The following NEB variants were observed in gnomAD, a reference collection of about 807,000 sequenced individuals.
The protein encoded by NEB is nemaline myopathy type 2.
A neutral mutation model predicts 952.2 loss-of-function variants in NEB; 512 were observed. The observed-to-expected ratio is 0.54, with a 90% CI of 0.50 to 0.58. The LOEUF (loss-of-function observed/expected upper bound fraction) is 0.58, where lower values mean the gene tolerates loss of function less well. Ranked by LOEUF, NEB falls within the 20% of genes least tolerant of loss-of-function variation. The pLI is 0.00. For synonymous variants in NEB, 2,900 were observed against 3,149.8 expected (o/e 0.92, Z 2.66); for missense variants, 8,428 against 9,231.1 (o/e 0.91, Z 3.56).
intron 107 of NEB, among the ~76,000 whole-genome samples, chr2:151,572,616 G>A (rs2096677018): frequency 6.8e-6 from 1 of 147,052 alleles, no homozygotes; most frequent in African/African-American, 2.5e-5. Context: ...CACGATCTCA[G>A]CTCACTGCAA....
chr2:151,672,933 T>G (rs1435477945), intron 36 of NEB, among the ~76,000 whole-genome samples: 1 of 152,236 alleles, frequency 6.6e-6, no homozygotes, highest in East Asian at 1.9e-4. Flanking sequence ...GAACTTTATT[T>G]TAAACAAACT....
chr2:151,673,646 T>C (rs1195785367), intron 36 of NEB, among the ~76,000 whole-genome samples: 6 of 152,050 alleles, frequency 3.9e-5, no homozygotes, highest in Non-Finnish European at 7.4e-5. Context: ...TTCTTCTCTT[T>C]TCTCAAACCA....
Position 151,565,545 on chromosome 2 carries a change from G to T in NEB, c.18322C>A (p.Pro6108Thr). ...YPNFRSVVDP[P>T]EIVLAKINSV... Reference sequence around the variant, plus strand: ...TTAATCTTGGCTAAAACAATCTCTGGAGGATCCACCACACTTCTAAAGTTA... The same window carrying T: ...TTAATCTTGGCTAAAACAATCTCTGTAGGATCCACCACACTTCTAAAGTTA... The change falls in exon 116 of 182, where the codon CCA becomes ACA. Residue 6108 changes from proline (P) to threonine (T), a missense_variant. This residue lies in a region of NEB where 3,374 missense variants were observed against 3,651.5 expected (regional missense o/e 0.92). Transcript: ENST00000397345. 6.2e-7 allele frequency: 1 copy of T among 1,603,338 alleles called. No individual in the cohort carries two copies.
intron 71 of NEB, among the ~76,000 whole-genome samples, chr2:151,623,431 C>T (rs1454220664): frequency 6.6e-6 from 1 of 152,116 alleles, no homozygotes; most frequent in Non-Finnish European, 1.5e-5. Context: ...AGGAAAATCC[C>T]TAAAAAGTGT....
chr2:151,495,910 A>G (rs2059848850), intron 173 of NEB, among the ~76,000 whole-genome samples: 1 of 152,182 alleles, frequency 6.6e-6, no homozygotes, highest in Non-Finnish European at 1.5e-5. Context: ...ACAAAATCAT[A>G]TTTAAGAAAG....
chr2:151,497,948 T>A (rs954903295), intron 170 of NEB: 13 of 1,427,808 alleles, frequency 9.1e-6, no homozygotes, highest in Middle Eastern at 3.7e-4. Context: ...ATCCATGTTA[T>A]TTTTTTTCAT....
chr2:151,643,893 G>A lies in NEB; in HGVS notation c.7881C>T (p.Tyr2627=), dbSNP rs761549144. 6.2e-7 allele frequency: 1 copy of A among 1,614,014 alleles called. No individual in the cohort carries two copies. Among genetic ancestry groups the A allele is most frequent in the Non-Finnish European group, 8.5e-7 (1 of 1,179,880 alleles). The change falls in exon 57 of 182, where the codon TAC becomes TAT. Residue 2627 remains tyrosine, a synonymous_variant. Transcript: ENST00000397345. ...CGGGCAGGCATGTCCACTGGTGCAG[G>A]TAGTTCTTGTAGTCCACGTCGCTGA... ...TLVSDVDYKN[Y]LHQWTCLPDQ...
At chr2:151,669,272 G>A in intron 38 of NEB, 141 bp from the exon 39 acceptor site, 1 of 617,774 alleles carries the variant, frequency 1.6e-6, no homozygotes, top group South Asian at 1.9e-5. Flanking sequence ...ATAAGGGAGG[G>A]GCCCTGGTAG....
At chr2:151,724,701 C>T (rs1241087892) in intron 7 of NEB, among the ~76,000 whole-genome samples, 156 bp downstream of exon 7, 2 of 152,182 alleles carry the variant, frequency 1.3e-5, no homozygotes, top group African/African-American at 2.4e-5. Context: ...GCCACTCAGT[C>T]ATCTGTGCAG....
In NEB at chr2:151,642,701, T is replaced by C; in HGVS notation, c.8266-20A>G. 2 of 1,610,744 alleles carry C rather than the reference T, an allele frequency of 1.2e-6. No homozygotes were observed. On this transcript the variant is annotated intron_variant, in intron 59 of 181. Coordinates refer to ENST00000397345, the MANE Select transcript of NEB (RefSeq NM_001164508.2). ...CAATTTCTAAAATAGACATTAATAG[T>C]AAGTTGGATTTATAAAGTGCATTGT... is the stretch of plus-strand genomic sequence containing the variant.
intron 159 of NEB, 88 bp downstream of exon 159, chr2:151,514,230 G>C (rs1163382577): frequency 9.2e-6 from 8 of 874,288 alleles, no homozygotes; most frequent in Non-Finnish European, 1.5e-5. Context: ...TCTGTTCTCT[G>C]TTTTTGTTTT....
intron 160 of NEB, among the ~76,000 whole-genome samples, chr2:151,513,279 G>C (rs1350507166): frequency 1.3e-5 from 2 of 152,176 alleles, no homozygotes; most frequent in Non-Finnish European, 2.9e-5. Flanking sequence ...TGAGTGGACT[G>C]ACTCAGAAAT....
chr2:151,610,656 G>C, intron 79 of NEB, 33 bp from the exon 80 acceptor site: 1 of 1,583,702 alleles, frequency 6.3e-7, no homozygotes, highest in Non-Finnish European at 8.7e-7. Flanking sequence ...CAGAAAATAA[G>C]AGTGTTTGAG....
rs759385616 is a variant in NEB, at chr2:151,508,000, C to T, written c.23451+5G>A. On this transcript the variant is annotated splice_donor_5th_base_variant and intron_variant, in intron 162 of 181. Transcript: ENST00000397345. Reference sequence around the variant, plus strand: ...GGCTGTGCCTTACATTTAATAAAAACTTACAAGGCTGAAGTTCTTTTGGTT... The same window carrying T: ...GGCTGTGCCTTACATTTAATAAAAATTTACAAGGCTGAAGTTCTTTTGGTT... 3 of 1,596,826 alleles carry T rather than the reference C, an allele frequency of 1.9e-6. No individual in the cohort carries two copies. The highest frequency in any genetic ancestry group is 2.7e-5 in the African/African-American group (2 of 74,680).
intron 24 of NEB, among the ~76,000 whole-genome samples, chr2:151,688,881 C>T (rs945849656): frequency 6.6e-6 from 1 of 152,132 alleles, no homozygotes; most frequent in Admixed American, 6.5e-5. Flanking sequence ...TTTCATCATG[C>T]TACTCAGAAC....
chr2:151,563,515 TAACC>T (rs2096215413), intron 119 of NEB, 87 bp downstream of exon 119: 2 of 1,120,248 alleles, frequency 1.8e-6, no homozygotes, highest in Admixed American at 1.7e-5. Context: ...ATTTCCCAGC[TAACC>T]TGAACCAAAG....
chr2:151,643,266 T>G lies in NEB; in HGVS notation c.8044A>C (p.Thr2682Pro), dbSNP rs762130884. 3 of 1,613,940 alleles carry G rather than the reference T, an allele frequency of 1.9e-6. No homozygotes were observed. In the South Asian group the frequency reaches 3.3e-5, roughly 18 times the overall value. ...TAAACATGGTCACTCAAAATCTGGG[T>G]GGCTCGTTTATTTTTCTCATCCTCG... is the stretch of plus-strand genomic sequence containing the variant. ...SLEDEKNKRA[T>P]QILSDHVYRQ... Residue 2682 changes from threonine to proline, a missense_variant, in exon 58 of 182, where the codon ACC becomes CCC. Physicochemically the swap from Thr to Pro is conservative, Grantham distance 38. This residue lies in a region of NEB where 1,772 missense variants were observed against 1,960.3 expected (regional missense o/e 0.90). Coordinates refer to ENST00000397345, the MANE Select transcript of NEB (RefSeq NM_001164508.2).
At chr2:151,686,954 G>T (rs1315150097) in intron 27 of NEB, among the ~76,000 whole-genome samples, 1 of 152,074 alleles carries the variant, frequency 6.6e-6, no homozygotes, top group Non-Finnish European at 1.5e-5. Flanking sequence ...TCTCAGGGGG[G>T]TTTATAATCA....
chr2:151,645,089 G>A (rs1032006036), intron 55 of NEB, among the ~76,000 whole-genome samples: 6 of 152,182 alleles, frequency 3.9e-5, no homozygotes, highest in South Asian at 4.1e-4. Flanking sequence ...CGGGACCACC[G>A]TCCTGTATGT....
Sources: allele counts gnomAD v4.1 joint callset (sites outside exome capture counted in the v4.1 genomes callset), GRCh38; gene constraint gnomAD v4.1.1; regional missense constraint gnomAD v4.1.1; transcripts MANE v1.5; gene names NCBI Gene and HGNC (gene_info 2026-07-23, HGNC 2026-07-21).